Variants in SPAG16 observed in about 807,000 individuals in gnomAD.
SPAG16 encodes the protein sperm associated antigen 16, also known as sperm-associated antigen 16 protein.
Under a neutral mutation model 80.4 loss-of-function variants are expected in SPAG16, and 86 were observed. The observed-to-expected ratio is 1.07, with a 90% CI of 0.90 to 1.28. The LOEUF (loss-of-function observed/expected upper bound fraction) is 1.28, where lower values mean the gene tolerates loss of function less well. Among genes scored for constraint, SPAG16 ranks in the 50% most tolerant of loss-of-function variants. The probability of loss-of-function intolerance (pLI) is 0.00; values close to 1 mark genes in which losing one functional copy is unlikely to be tolerated. For missense variants in SPAG16, 870 were observed against 765.3 expected, an observed-to-expected ratio of 1.14 and a Z score of -1.61; for synonymous variants, 294 against 265.9, an observed-to-expected ratio of 1.11 and a Z score of -1.03.
intron 15 of SPAG16, among the ~76,000 whole-genome samples, chr2:214,252,994 T>C (rs188864354): frequency 2.0e-5 from 3 of 152,234 alleles, no homozygotes; most frequent in Non-Finnish European, 4.4e-5. Flanking sequence ...CCGTTCTAAG[T>C]GGCATGAGAT....
intron 11 of SPAG16, among the ~76,000 whole-genome samples, chr2:213,905,390 G>T (rs536307155): frequency 3.1e-4 from 47 of 152,174 alleles, no homozygotes; most frequent in Non-Finnish European, 5.4e-4. Context: ...TAAAGCTTCT[G>T]TAAGAAAATA....
chr2:213,620,281 G>GTTTTT lies in SPAG16; in HGVS notation c.1070+130216_1070+130220dup, dbSNP rs36059669. On this transcript the variant is annotated intron_variant, in intron 10 of 15. Transcript: ENST00000331683. ...AATGTAGTTAACAATAATTTATTGA[G>GTTTTT]TTTTTTTTTTTTTTTTTTTTTTTTT... 5.0e-3 allele frequency among the ~76,000 whole-genome samples: 416 copies of GTTTTT among 82,824 alleles called. 59 individuals are homozygous for GTTTTT. Among genetic ancestry groups the GTTTTT allele is most frequent in the African/African-American group, 0.021 (396 of 18,970 alleles). 54.3% of individuals were successfully genotyped at this position (82,824 alleles called of 152,430 possible).
chr2:214,171,851 T>C (rs2056878143), intron 15 of SPAG16, among the ~76,000 whole-genome samples: 1 of 151,928 alleles, frequency 6.6e-6, no homozygotes, highest in East Asian at 1.9e-4. Flanking sequence ...GTTATTAATG[T>C]TTTTTTCTTT....
intron 13 of SPAG16, among the ~76,000 whole-genome samples, chr2:214,103,863 C>T (rs1327435880): frequency 6.6e-6 from 1 of 151,674 alleles, no homozygotes; most frequent in Non-Finnish European, 1.5e-5. Flanking sequence ...TTATGTACCA[C>T]GAGAAAGGAA....
intron 9 of SPAG16, among the ~76,000 whole-genome samples, chr2:213,438,878 C>T (rs2070784017): frequency 6.6e-6 from 1 of 152,152 alleles, no homozygotes. Context: ...TCCTAATGGC[C>T]TGTAAGAAGG....
At chr2:213,544,025 G>C (rs2076536334) in intron 10 of SPAG16, among the ~76,000 whole-genome samples, 1 of 151,876 alleles carries the variant, frequency 6.6e-6, no homozygotes, top group South Asian at 2.1e-4. Context: ...TAATTTCTTT[G>C]AGTAGCTTCC....
intron 9 of SPAG16, among the ~76,000 whole-genome samples, chr2:213,409,943 AC>A (rs1020353753): frequency 1.3e-5 from 2 of 152,066 alleles, no homozygotes; most frequent in Admixed American, 6.5e-5. Flanking sequence ...TAGCACAGGT[AC>A]CATCCCTAGA....
Position 213,350,659 on chromosome 2 carries a change from C to G in SPAG16, c.762+14C>G. 7.2e-7 allele frequency: 1 copy of G among 1,384,678 alleles called. No homozygotes were observed. The highest frequency in any genetic ancestry group is 9.9e-7 in the Non-Finnish European group (1 of 1,009,886). The allele number at this position is 1,384,678 out of a possible 1,614,324, so 85.8% of individuals were successfully genotyped here. A position where few individuals can be genotyped will look rare whatever the true frequency, so the allele number is the denominator to read the frequency against. ...GTAGTTGGGCAGGTAAAGATATAGT[C>G]AAAGCTAACTTAAAATGATCTTTTA... On this transcript the variant is annotated intron_variant, in intron 7 of 15. Transcript: ENST00000331683.
intron 10 of SPAG16, among the ~76,000 whole-genome samples, chr2:213,572,826 C>T (rs1053388597): frequency 6.6e-5 from 10 of 152,236 alleles, no homozygotes; most frequent in African/African-American, 2.4e-4. Context: ...GGCGGGCGCC[C>T]CTCCCCCAGC....
At chr2:213,318,131 T>G (rs2063477568) in intron 5 of SPAG16, among the ~76,000 whole-genome samples, 1 of 152,020 alleles carries the variant, frequency 6.6e-6, no homozygotes, top group Non-Finnish European at 1.5e-5. Context: ...TATCTCATTG[T>G]GGTTTTGACT....
At chr2:214,394,252 G>C (rs775646600) in intron 15 of SPAG16, among the ~76,000 whole-genome samples, 2 of 151,660 alleles carry the variant, frequency 1.3e-5, no homozygotes, top group African/African-American at 4.8e-5. Flanking sequence ...ATACAGTGAT[G>C]ATTTTAGAAA....
chr2:213,549,653 C>G (rs1441503104), intron 10 of SPAG16, among the ~76,000 whole-genome samples: 1 of 152,166 alleles, frequency 6.6e-6, no homozygotes, highest in Non-Finnish European at 1.5e-5. Context: ...TGAAAGTAAT[C>G]TTGCCCCATC....
In SPAG16 at chr2:213,617,637, G is replaced by C. The variant is rs373897170; in HGVS notation, c.1070+127547G>C. On this transcript the variant is annotated intron_variant, in intron 10 of 15. Coordinates refer to ENST00000331683, the MANE Select transcript of SPAG16 (RefSeq NM_024532.5). ...ATTACAGGCGTGAGCCACTATGCCC[G>C]GCCCAAAATAATTTTTTTTTTAAAA... Among the ~76,000 whole-genome samples the C allele has an allele frequency of 3.3e-5, 5 of 152,016 alleles. 1 individual carries two copies. The highest frequency in any genetic ancestry group is 2.9e-5 in the Non-Finnish European group (2 of 67,992).
At chr2:213,622,561 G>C (rs80026506) in intron 10 of SPAG16, among the ~76,000 whole-genome samples, 1 of 152,122 alleles carries the variant, frequency 6.6e-6, no homozygotes, top group Non-Finnish European at 1.5e-5. Flanking sequence ...CTTTCTGTGC[G>C]GTGAGCAGCA....
chr2:214,085,265 G>T (rs568257602), intron 13 of SPAG16, among the ~76,000 whole-genome samples: 2 of 151,790 alleles, frequency 1.3e-5, no homozygotes, highest in South Asian at 2.1e-4. Flanking sequence ...CCAGCTGCTC[G>T]AGAGGCTGAG....
chr2:213,953,619 G>GA (rs1007100399), intron 12 of SPAG16, among the ~76,000 whole-genome samples: 5 of 151,416 alleles, frequency 3.3e-5, no homozygotes, highest in African/African-American at 4.8e-5. Context: ...AAATTAAAAA[G>GA]AAAAAAATTT....
At chr2:213,944,859 C>T (rs573956033) in intron 12 of SPAG16, among the ~76,000 whole-genome samples, 2 of 152,070 alleles carry the variant, frequency 1.3e-5, no homozygotes, top group Non-Finnish European at 2.9e-5. Context: ...GATGGCGAAA[C>T]CCCGTGTCTA....
At chr2:213,856,301 T>G (rs1032210773) in intron 10 of SPAG16, among the ~76,000 whole-genome samples, 3 of 152,220 alleles carry the variant, frequency 2.0e-5, no homozygotes, top group African/African-American at 7.2e-5. Flanking sequence ...GCTCCACCCC[T>G]GTGGCTTTGC....
At chr2:213,998,752 G>C (rs552605021) in intron 12 of SPAG16, among the ~76,000 whole-genome samples, 2 of 152,200 alleles carry the variant, frequency 1.3e-5, no homozygotes, top group Non-Finnish European at 2.9e-5. Context: ...TAGTGATATG[G>C]ACACTAAGGT....
Sources: allele counts gnomAD v4.1 joint callset (sites outside exome capture counted in the v4.1 genomes callset), GRCh38; gene constraint gnomAD v4.1.1; transcripts MANE v1.5; gene names NCBI Gene and HGNC (gene_info 2026-07-23, HGNC 2026-07-21).